The following ADGRF5 variants were observed in gnomAD, a reference collection of about 807,000 sequenced individuals.
ADGRF5 encodes the protein adhesion G protein-coupled receptor F5.
ADGRF5 carries 75 observed loss-of-function variants against 132.3 expected under a neutral mutation model. The ratio of observed to expected loss-of-function variants is 0.57; its 90% CI spans 0.47 to 0.69. The LOEUF is 0.69. ADGRF5 is among the 30% of genes least tolerant of loss of function. The pLI is 0.00. For synonymous variants in ADGRF5, 629 were observed against 597.6 expected, an observed-to-expected ratio of 1.05 and a Z score of -0.77; for missense variants, 1,516 against 1,630.6, an observed-to-expected ratio of 0.93 and a Z score of 1.21.
intron 1 of ADGRF5, among the ~76,000 whole-genome samples, chr6:46,937,593 AT>A (rs575381797): frequency 6.6e-6 from 1 of 152,234 alleles, no homozygotes; most frequent in East Asian, 1.9e-4. Flanking sequence ...CATATATACC[AT>A]TTTTTATATG....
Position 46,858,138 on chromosome 6 carries a change from A to T in ADGRF5, c.3765T>A (p.Asn1255Lys). 2.5e-6 allele frequency: 4 copies of T among 1,610,460 alleles called. No individual in the cohort carries two copies. The highest frequency in any genetic ancestry group is 2.5e-6 in the Non-Finnish European group (3 of 1,177,480). Residue 1255 changes from asparagine to lysine, a missense_variant, in exon 17 of 21, where the codon AAT (asparagine) becomes AAA (lysine). Physicochemically the swap from Asn to Lys is moderately conservative, Grantham distance 94. Around this residue, in one of 2 missense-constraint regions of ADGRF5, gnomAD observed 571 missense variants for 701.2 expected, o/e 0.81. Transcript: ENST00000283296. ...LVFHIIFAIL[N>K]VFQGLFILLF... ...GCACTGTAAAACTCACCTGGAAGACATTGAGGATGGCAAATATGATATGGA... is the reference window on the plus strand; with the variant it reads ...GCACTGTAAAACTCACCTGGAAGACTTTGAGGATGGCAAATATGATATGGA...
intron 3 of ADGRF5, among the ~76,000 whole-genome samples, chr6:46,894,440 A>C (rs1773968536): frequency 6.6e-6 from 1 of 152,134 alleles, no homozygotes; most frequent in Non-Finnish European, 1.5e-5. Flanking sequence ...AAGTCTAGGG[A>C]AGAGAATTCA....
chr6:46,947,938 G>C (rs1778361078), intron 1 of ADGRF5, among the ~76,000 whole-genome samples: 1 of 152,144 alleles, frequency 6.6e-6, no homozygotes, highest in Non-Finnish European at 1.5e-5. Flanking sequence ...TGATTGGGCA[G>C]GGGTGGTGAT....
intron 1 of ADGRF5, among the ~76,000 whole-genome samples, chr6:46,920,895 G>A (rs1000473343): frequency 2.0e-5 from 3 of 152,102 alleles, no homozygotes; most frequent in African/African-American, 7.2e-5. Flanking sequence ...AATCTATTTA[G>A]AGATATTCTT....
chr6:46,869,266 A>G, intron 11 of ADGRF5, 174 bp from the exon 12 acceptor site: 1 of 1,442,668 alleles, frequency 6.9e-7, no homozygotes, highest in Non-Finnish European at 9.0e-7. Flanking sequence ...CCTGGGCTTT[A>G]CTCGTTTCTA....
Position 46,853,928 on chromosome 6 carries a change from G to T in ADGRF5, c.*64C>A. 8.9e-7 allele frequency: 1 copy of T among 1,128,446 alleles called. No homozygotes were observed. The highest frequency in any genetic ancestry group is 1.3e-6 in the Non-Finnish European group (1 of 767,654). The allele number at this position is 1,128,446 out of a possible 1,614,324, so 69.9% of individuals were successfully genotyped here. ...GAACACGTTCCCCATTGCTTTGCAA[G>T]CATCTCTTTTTAAAAGCACAGCCAC... On this transcript the variant is annotated 3_prime_UTR_variant, in exon 21 of 21. Transcript: ENST00000283296.
chr6:46,904,793 T>C lies in ADGRF5; in HGVS notation c.102+1868A>G, dbSNP rs527815205. 7.3e-4 allele frequency among the ~76,000 whole-genome samples: 111 copies of C among 152,246 alleles called. 1 individual carries two copies. Among genetic ancestry groups the C allele is most frequent in the Admixed American group, 4.4e-3 (68 of 15,290 alleles). On this transcript the variant is annotated intron_variant, in intron 2 of 20. Coordinates refer to ENST00000283296, the MANE Select transcript of ADGRF5 (RefSeq NM_001098518.2). The stretch of plus-strand genomic sequence containing the variant: ...ATGGCAGAAGGTCAGTCATGGAAAC[T>C]GGGTGGCAGCTTAGGGCAGTATAAA...
At chr6:46,898,036 T>C (rs1267788189) in intron 3 of ADGRF5, among the ~76,000 whole-genome samples, 1 of 152,236 alleles carries the variant, frequency 6.6e-6, no homozygotes, top group Non-Finnish European at 1.5e-5. Flanking sequence ...GTATAATAAA[T>C]GGAAAACATC....
chr6:46,943,449 T>C (rs951342158), intron 1 of ADGRF5, among the ~76,000 whole-genome samples: 18 of 152,370 alleles, frequency 1.2e-4, no homozygotes, highest in African/African-American at 4.3e-4. Context: ...GGGAAACTTA[T>C]GGATGATTTC....
At chr6:46,869,868 A>G (rs914563033) in intron 11 of ADGRF5, among the ~76,000 whole-genome samples, 1 of 152,202 alleles carries the variant, frequency 6.6e-6, no homozygotes. Flanking sequence ...TTTATATGTA[A>G]TTAGTTTCAC....
rs146789315 is a variant in ADGRF5 at position 46,884,119 on chromosome 6, C to T, written c.481G>A (p.Gly161Arg). The change falls in exon 5 of 21, where the codon GGA becomes AGA. Residue 161 changes from glycine to arginine, a missense_variant. By Grantham distance (125) the Gly-to-Arg change is moderately radical (BLOSUM62 -2). This residue lies in a region of ADGRF5 where 945 missense variants were observed against 929.4 expected (regional missense o/e 1.02). Transcript: ENST00000283296. ...CSCLKELPPN[G>R]PFCLLQEDVT... Reference sequence around the variant, plus strand: ...CCTTCCTGAAGCAGGCAAAAAGGTCCATTGGGAGGCAGTTCTTTAAGGCAA... The same window carrying T: ...CCTTCCTGAAGCAGGCAAAAAGGTCTATTGGGAGGCAGTTCTTTAAGGCAA... 3.1e-5 allele frequency: 50 copies of T among 1,613,900 alleles called. No individual in the cohort carries two copies. The African/African-American group carries it at 4.8e-4, about 15-fold the overall frequency.
At chr6:46,870,148 A>G (rs1770888705) in intron 11 of ADGRF5, among the ~76,000 whole-genome samples, 1 of 151,748 alleles carries the variant, frequency 6.6e-6, no homozygotes, top group Non-Finnish European at 1.5e-5. Context: ...GTGAAATCTT[A>G]TTATTAATAA....
chr6:46,930,422 C>T (rs1261957696), intron 1 of ADGRF5, among the ~76,000 whole-genome samples: 4 of 152,134 alleles, frequency 2.6e-5, no homozygotes, highest in African/African-American at 7.2e-5. Flanking sequence ...TTTCCATTTC[C>T]AGTGAGTTCC....
At chr6:46,922,772 C>T (rs1777042354), upstream of ADGRF5, among the ~76,000 whole-genome samples, 1 of 152,192 alleles carries the variant, frequency 6.6e-6, no homozygotes, top group Non-Finnish European at 1.5e-5. Flanking sequence ...GAAATAAGTG[C>T]TTCGGGTGAG....
At chr6:46,889,871 C>T (rs1411758288) in intron 3 of ADGRF5, among the ~76,000 whole-genome samples, 1 of 151,148 alleles carries the variant, frequency 6.6e-6, no homozygotes, top group Non-Finnish European at 1.5e-5. Context: ...CTGTTTCTTT[C>T]ATGTTTCTTT....
At chr6:46,868,449 T>C (rs1258263177) in intron 12 of ADGRF5, among the ~76,000 whole-genome samples, 1 of 152,252 alleles carries the variant, frequency 6.6e-6, no homozygotes, top group African/African-American at 2.4e-5. Context: ...GATTTGCATT[T>C]CCTCACAAAA....
intron 1 of ADGRF5, chr6:46,909,037 C>T (rs1447445731): frequency 6.6e-6 from 1 of 152,054 alleles, no homozygotes; most frequent in Non-Finnish European, 1.5e-5. Context: ...TTTTCTTTAA[C>T]CTGCATCATT....
rs191484728 is a variant in ADGRF5, at chr6:46,889,634, T to A, written c.158-1129A>T. ...AGGTAGGTGTGTGTTGAGGAACAGA[T>A]CCACCTTGACTATGGTAGTCTATAT... is the stretch of plus-strand genomic sequence containing the variant. On this transcript the variant is annotated intron_variant, in intron 3 of 20. Coordinates refer to ENST00000283296, the MANE Select transcript of ADGRF5 (RefSeq NM_001098518.2). Among the ~76,000 whole-genome samples, 210 of 145,658 alleles carry A rather than the reference T, an allele frequency of 1.4e-3. 1 individual carries two copies. Among genetic ancestry groups the A allele is most frequent in the Non-Finnish European group, 5.2e-4 (35 of 66,746 alleles).
intron 1 of ADGRF5, among the ~76,000 whole-genome samples, chr6:46,947,570 A>C (rs980771507): frequency 5.9e-5 from 9 of 152,186 alleles, no homozygotes; most frequent in African/African-American, 2.2e-4. Flanking sequence ...AGTGGTGGGC[A>C]GGATAAAGGG....
Sources: gnomAD v4.1 joint callset for allele counts (sites outside exome capture counted in the v4.1 genomes callset) on GRCh38, gnomAD v4.1.1 for gene constraint, gnomAD v4.1.1 regional missense constraint, MANE v1.5 for transcripts, NCBI Gene and HGNC (gene_info 2026-07-23, HGNC 2026-07-21) for gene names.